The following AR variants were observed in gnomAD, a reference collection of about 807,000 sequenced individuals.
AR encodes the protein dihydrotestosterone receptor.
A neutral mutation model predicts 53.9 loss-of-function variants in AR; 8 were observed. The ratio of observed to expected loss-of-function variants is 0.15; its 90% CI spans 0.09 to 0.27. The LOEUF (loss-of-function observed/expected upper bound fraction) is 0.27. AR is among the 10% of genes least tolerant of loss of function. The probability of loss-of-function intolerance (pLI) is 1.00; values close to 1 mark genes in which losing one functional copy is unlikely to be tolerated. For missense variants in AR, 639 were observed against 742.5 expected (o/e 0.86, Z 1.62); for synonymous variants, 359 against 316.4 (o/e 1.13, Z -1.43).
chrX:67,673,422 C>T (rs1158562102), intron 2 of AR, among the ~76,000 whole-genome samples: 1 of 104,740 alleles, frequency 9.5e-6, no homozygotes, highest in African/African-American at 3.5e-5. Flanking sequence ...TTAGATTTGC[C>T]CTTTTGAGGC....
In AR at chrX:67,545,190, C is replaced by G; in HGVS notation, c.44C>G (p.Pro15Arg). 1.7e-6 allele frequency: 2 copies of G among 1,203,357 alleles called. No individual in the cohort carries two copies. The highest frequency in any genetic ancestry group is 2.2e-6 in the Non-Finnish European group (2 of 892,577). ...CTGGGAAGGGTCTACCCTCGGCCGC[C>G]GTCCAAGACCTACCGAGGAGCTTTC... The part of the protein sequence containing the change: ...LGLGRVYPRP[P>R]SKTYRGAFQN... Residue 15 changes from proline to arginine, a missense_variant, in exon 1 of 8, where the codon CCG (proline) becomes CGG (arginine). By Grantham distance (103) the Pro-to-Arg change is moderately radical. Transcript: ENST00000374690.
At chrX:67,721,152 A>G (rs189396131) in intron 5 of AR, among the ~76,000 whole-genome samples, 236 of 112,125 alleles carry the variant, frequency 2.1e-3, no homozygotes, top group African/African-American at 7.4e-3. Context: ...AGCAGCCAGC[A>G]TATGAGGGAA....
Position 67,597,378 on chromosome X carries a change from A to G in AR, c.1617-45878A>G, listed in dbSNP as rs182114667. ...ACCTCAGCTCTTGAACTATGGTACA[A>G]GATCCCATGGTCCTGTTTGGTACCT... On this transcript the variant is annotated intron_variant, in intron 1 of 7. Coordinates refer to ENST00000374690, the MANE Select transcript of AR (RefSeq NM_000044.6). Among the ~76,000 whole-genome samples, 16 of 111,923 alleles carry G rather than the reference A, an allele frequency of 1.4e-4. 1 individual carries two copies. Among genetic ancestry groups the G allele is most frequent in the Non-Finnish European group, 1.9e-5 (1 of 53,211 alleles).
At position 67,711,571 on chromosome X, in the gene AR, A is replaced by G; in HGVS notation, c.2055A>G (p.Val685=). 1 of 1,211,784 alleles carries G rather than the reference A, an allele frequency of 8.3e-7. No individual in the cohort carries two copies. Among genetic ancestry groups the G allele is most frequent in the Non-Finnish European group, 1.1e-6 (1 of 895,546 alleles). Residue 685 remains valine, a synonymous_variant, in exon 4 of 8, where the codon GTA becomes GTG. Coordinates refer to ENST00000374690, the MANE Select transcript of AR (RefSeq NM_000044.6). ...LNVLEAIEPG[V]VCAGHDNNQP... ...TCCTGGAAGCCATTGAGCCAGGTGT[A>G]GTGTGTGCTGGACACGACAACAACC...
chrX:67,687,021 T>C (rs772951442), intron 3 of AR, among the ~76,000 whole-genome samples: 3 of 111,974 alleles, frequency 2.7e-5, no homozygotes, highest in Non-Finnish European at 5.6e-5. Flanking sequence ...AACAAGATCA[T>C]TAATCCACTT....
intron 2 of AR, among the ~76,000 whole-genome samples, chrX:67,671,191 A>G (rs1426327851): frequency 6.2e-5 from 7 of 112,043 alleles, no homozygotes; most frequent in Non-Finnish European, 1.9e-5. Flanking sequence ...GTCTTCCACA[A>G]TGGTTGAACT....
At position 67,699,995 on chromosome X, in the gene AR, T is replaced by C. The variant is rs1159368289; in HGVS notation, c.1886-11407T>C. ...GATTTGAAATTTTTTTCTCTGGTGC[T>C]ATAGATAGCTCCCACAGGGGTCTAA... On this transcript the variant is annotated intron_variant, in intron 3 of 7. Coordinates refer to ENST00000374690, the MANE Select transcript of AR (RefSeq NM_000044.6). Among the ~76,000 whole-genome samples, 8 of 111,387 alleles carry C rather than the reference T, an allele frequency of 7.2e-5. No individual in the cohort carries two copies. In the Admixed American group the frequency reaches 7.6e-4, roughly 11 times the overall value.
At chrX:67,632,625 T>C (rs1241352373) in intron 1 of AR, among the ~76,000 whole-genome samples, 1 of 112,066 alleles carries the variant, frequency 8.9e-6, no homozygotes, top group African/African-American at 3.2e-5. Context: ...CTGGGAGCTG[T>C]AGACCTGAGC....
intron 1 of AR, among the ~76,000 whole-genome samples, chrX:67,630,105 G>A (rs1195803979): frequency 9.0e-6 from 1 of 111,221 alleles, no homozygotes; most frequent in Admixed American, 9.6e-5. Flanking sequence ...TGAAAAAAAT[G>A]TATATTCTGT....
At chrX:67,659,599 T>G (rs746357493) in intron 2 of AR, among the ~76,000 whole-genome samples, 1 of 112,207 alleles carries the variant, frequency 8.9e-6, no homozygotes, top group South Asian at 3.7e-4. Context: ...TGCCACATTT[T>G]CTTAATCCAG....
chrX:67,632,065 G>A (rs896267409), intron 1 of AR, among the ~76,000 whole-genome samples: 9 of 112,759 alleles, frequency 8.0e-5, no homozygotes, highest in African/African-American at 2.9e-4. Flanking sequence ...GGACATTTAA[G>A]TCTGCAGAGG....
chrX:67,601,837 A>T (rs1346711936), intron 1 of AR, among the ~76,000 whole-genome samples: 1 of 111,987 alleles, frequency 8.9e-6, no homozygotes, highest in African/African-American at 3.2e-5. Flanking sequence ...GAGCTCGTAG[A>T]TAATTCAGTC....
At chrX:67,662,233 G>A (rs1011332783) in intron 2 of AR, among the ~76,000 whole-genome samples, 7 of 111,207 alleles carry the variant, frequency 6.3e-5, no homozygotes, top group African/African-American at 2.0e-4. Context: ...CCTTCTGCTA[G>A]CTTTTGAATG....
intron 1 of AR, among the ~76,000 whole-genome samples, chrX:67,562,352 G>A (rs1416407898): frequency 1.0e-5 from 1 of 100,111 alleles, no homozygotes; most frequent in Non-Finnish European, 2.0e-5. Flanking sequence ...TCTATATGGT[G>A]TATATGTGTG....
intron 2 of AR, among the ~76,000 whole-genome samples, chrX:67,683,901 C>T (rs189326427): frequency 8.2e-4 from 91 of 110,730 alleles, no homozygotes; most frequent in South Asian, 4.6e-3. Context: ...CATGCTTTTC[C>T]GCTATAACCT....
intron 1 of AR, among the ~76,000 whole-genome samples, chrX:67,558,084 C>A (rs1375095471): frequency 8.9e-6 from 1 of 111,756 alleles, no homozygotes; most frequent in Non-Finnish European, 1.9e-5. Flanking sequence ...GTGCCTGAGG[C>A]ACCAAGATGG....
intron 2 of AR, among the ~76,000 whole-genome samples, chrX:67,644,844 G>A (rs1035131367): frequency 5.4e-5 from 6 of 111,711 alleles, no homozygotes; most frequent in South Asian, 3.8e-4. Context: ...CTAATATGAA[G>A]CCCAGGGCCC....
chrX:67,639,314 C>G (rs189486266), intron 1 of AR, among the ~76,000 whole-genome samples: 2 of 111,816 alleles, frequency 1.8e-5, no homozygotes, highest in African/African-American at 6.5e-5. Context: ...TTTATTGGTT[C>G]CATATGAAAT....
chrX:67,564,274 C>T (rs1482048926), intron 1 of AR, among the ~76,000 whole-genome samples: 1 of 111,545 alleles, frequency 9.0e-6, no homozygotes, highest in Non-Finnish European at 1.9e-5. Context: ...ATACCCCAGT[C>T]TATGGGGGAG....
Sources: gnomAD v4.1 joint callset for allele counts (sites outside exome capture counted in the v4.1 genomes callset) on GRCh38, gnomAD v4.1.1 for gene constraint, MANE v1.5 for transcripts, NCBI Gene and HGNC (gene_info 2026-07-23, HGNC 2026-07-21) for gene names.